The following P4HA3 variants were observed in gnomAD, a reference collection of about 807,000 sequenced individuals.
P4HA3 encodes the protein prolyl 4-hydroxylase subunit alpha-3.
Under a neutral mutation model 66.7 loss-of-function variants are expected in P4HA3, and 60 were observed. The observed-to-expected ratio is 0.90, with a 90% CI of 0.73 to 1.12. P4HA3 has a LOEUF of 1.12. Ranked by LOEUF, P4HA3 falls within the 50% of genes most tolerant of loss-of-function variation. The probability of loss-of-function intolerance (pLI) is 0.00; values close to 1 mark genes in which losing one functional copy is unlikely to be tolerated. For synonymous variants in P4HA3, 263 were observed against 274.6 expected (o/e 0.96, Z 0.42); for missense variants, 683 against 685.8 (o/e 1.00, Z 0.05).
At chr11:74,291,720 T>C (rs1171152176) in intron 4 of P4HA3, among the ~76,000 whole-genome samples, 3 of 152,246 alleles carry the variant, frequency 2.0e-5, no homozygotes, top group Non-Finnish European at 4.4e-5. Context: ...TTTTTGTCTT[T>C]GGTTCTTTTT....
chr11:74,269,193 G>T (rs1002181719), intron 11 of P4HA3, among the ~76,000 whole-genome samples: 1 of 151,938 alleles, frequency 6.6e-6, no homozygotes, highest in Non-Finnish European at 1.5e-5. Context: ...TCTCCTCAGC[G>T]CCTATCCTTT....
At chr11:74,260,811 C>A (rs1185330280) in intron 14 of P4HA3, among the ~76,000 whole-genome samples, 2 of 152,060 alleles carry the variant, frequency 1.3e-5, no homozygotes, top group Admixed American at 6.5e-5. Context: ...GGGTGATAAG[C>A]CTTCACACCT....
At chr11:74,263,252 G>A (rs1591082239), downstream of P4HA3, among the ~76,000 whole-genome samples, 1 of 152,240 alleles carries the variant, frequency 6.6e-6, no homozygotes, top group African/African-American at 2.4e-5. Context: ...CACTCGACAA[G>A]TGTTCACCGT....
intron 15 of P4HA3, chr11:74,250,381 G>T (rs1195502729): frequency 6.5e-6 from 1 of 153,288 alleles, no homozygotes; most frequent in Non-Finnish European, 1.5e-5. Flanking sequence ...TAAGTGCTCA[G>T]ATGGTAACTT....
intron 5 of P4HA3, among the ~76,000 whole-genome samples, chr11:74,286,948 T>A (rs534411761): frequency 6.6e-6 from 1 of 152,186 alleles, no homozygotes; most frequent in African/African-American, 2.4e-5. Flanking sequence ...CCCCAGAGAA[T>A]TGGAAGCTAA....
intron 1 of P4HA3, among the ~76,000 whole-genome samples, chr11:74,310,010 T>C (rs1265702175): frequency 6.6e-6 from 1 of 152,222 alleles, no homozygotes; most frequent in Non-Finnish European, 1.5e-5. Context: ...CTTCTTCTCA[T>C]GTCACCCCAG....
intron 5 of P4HA3, among the ~76,000 whole-genome samples, chr11:74,288,542 G>A (rs1860881549): frequency 6.6e-6 from 1 of 152,202 alleles, no homozygotes; most frequent in African/African-American, 2.4e-5. Context: ...GAAGGGACAG[G>A]TTGATATCTT....
At chr11:74,276,309 T>A (rs1405671113) in intron 9 of P4HA3, among the ~76,000 whole-genome samples, 1 of 152,176 alleles carries the variant, frequency 6.6e-6, no homozygotes, top group East Asian at 1.9e-4. Context: ...ACTCCTGTAA[T>A]GTCAGCACTT....
chr11:74,290,328 T>C (rs1183694317), intron 4 of P4HA3, among the ~76,000 whole-genome samples: 2 of 152,146 alleles, frequency 1.3e-5, no homozygotes, highest in Non-Finnish European at 2.9e-5. Flanking sequence ...GAGTTCATTG[T>C]AGATTCTGGA....
In P4HA3 at chr11:74,267,262, T is replaced by C. The variant is rs1860019748; in HGVS notation, c.1621A>G (p.Ser541Gly). The change falls in exon 13 of 13, where the codon AGC becomes GGC. Residue 541 changes from serine (S) to glycine (G), a missense_variant. Physicochemically the swap from Ser to Gly is moderately conservative, Grantham distance 56 (BLOSUM62 0). Coordinates refer to ENST00000331597, the MANE Select transcript of P4HA3 (RefSeq NM_182904.5). Reference sequence around the variant, plus strand: ...CTGCCAACAGTTCAGTCTTCAGGGCTGGAGCTGCAGGGTCTGCGGAATTCC... The same window carrying C: ...CTGCCAACAGTTCAGTCTTCAGGGCCGGAGCTGCAGGGTCTGCGGAATTCC... The part of the protein sequence containing the change: ...GQEFRRPCSS[S>G]PED 6.2e-7 allele frequency: 1 copy of C among 1,614,130 alleles called. No individual in the cohort carries two copies. Among genetic ancestry groups the C allele is most frequent in the Non-Finnish European group, 8.5e-7 (1 of 1,180,050 alleles).
intron 7 of P4HA3, among the ~76,000 whole-genome samples, chr11:74,280,476 A>G (rs1051171788): frequency 6.6e-6 from 1 of 152,166 alleles, no homozygotes; most frequent in African/African-American, 2.4e-5. Context: ...ATTTTTAAAT[A>G]AAGTGTCTCC....
rs1591116397 is a variant in P4HA3 at position 74,289,058 on chromosome 11, T to C, written c.769+21A>G. On this transcript the variant is annotated intron_variant, in intron 5 of 12. Coordinates refer to ENST00000331597, the MANE Select transcript of P4HA3 (RefSeq NM_182904.5). ...CCGTAAATCAGACCTGTGGCTGGCT[T>C]ATCTTTTATCCATTACGTACTGTAG... 14 of 1,513,760 alleles carry C rather than the reference T, an allele frequency of 9.2e-6. No homozygotes were observed. In the East Asian group the frequency reaches 3.4e-4, roughly 37 times the overall value. The allele number at this position is 1,513,760 out of a possible 1,614,324, so 93.8% of individuals were successfully genotyped here. A position where few individuals can be genotyped will look rare whatever the true frequency, so the allele number is the denominator to read the frequency against.
chr11:74,282,593 A>G (rs1860645085), intron 7 of P4HA3, among the ~76,000 whole-genome samples: 1 of 152,192 alleles, frequency 6.6e-6, no homozygotes, highest in Non-Finnish European at 1.5e-5. Context: ...GTAAGCACTC[A>G]AAGGCAAAAG....
In P4HA3 at chr11:74,267,041, A is replaced by C; in HGVS notation, c.*207T>G. Reference sequence around the variant, plus strand: ...CCTTTGTACTGTGCATCCTACTCTGACTTCCGTGGCTGGGGCAGATCAAAT... The same window carrying C: ...CCTTTGTACTGTGCATCCTACTCTGCCTTCCGTGGCTGGGGCAGATCAAAT... On this transcript the variant is annotated 3_prime_UTR_variant, in exon 13 of 13. Transcript: ENST00000331597. The C allele has an allele frequency of 6.5e-7, 1 of 1,535,254 alleles. No homozygotes were observed. Among genetic ancestry groups the C allele is most frequent in the Non-Finnish European group, 8.7e-7 (1 of 1,146,102 alleles).
At chr11:74,260,373 G>A (rs966792324) in intron 14 of P4HA3, among the ~76,000 whole-genome samples, 3 of 152,172 alleles carry the variant, frequency 2.0e-5, no homozygotes, top group Non-Finnish European at 4.4e-5. Context: ...GGGTGAGCCC[G>A]CTGACAATTC....
intron 8 of P4HA3, among the ~76,000 whole-genome samples, chr11:74,278,053 A>G (rs1235213408): frequency 6.6e-6 from 1 of 152,248 alleles, no homozygotes; most frequent in Admixed American, 6.5e-5. Flanking sequence ...GAAAGGACAA[A>G]CACAAATATA....
chr11:74,276,109 A>G (rs1310555027), intron 9 of P4HA3, among the ~76,000 whole-genome samples: 1 of 152,214 alleles, frequency 6.6e-6, no homozygotes, highest in African/African-American at 2.4e-5. Context: ...ATGGGTACAC[A>G]TGGACATAAA....
intron 11 of P4HA3, among the ~76,000 whole-genome samples, chr11:74,268,809 T>C (rs190758305): frequency 1.3e-5 from 2 of 152,346 alleles, no homozygotes; most frequent in East Asian, 3.9e-4. Context: ...CCAGGTGTTC[T>C]GACGCTAAAT....
At chr11:74,252,499 C>G in intron 15 of P4HA3, 1 of 456,742 alleles carries the variant, frequency 2.2e-6, no homozygotes, top group South Asian at 1.5e-5. Flanking sequence ...CTTCCCCTCC[C>G]TTTCCGAAGC....
Sources: allele counts gnomAD v4.1 joint callset (sites outside exome capture counted in the v4.1 genomes callset), GRCh38; gene constraint gnomAD v4.1.1; transcripts MANE v1.5; gene names NCBI Gene and HGNC (gene_info 2026-07-23, HGNC 2026-07-21).